SPINK5: variants seen among roughly 807,000 people sequenced by gnomAD.
The protein encoded by SPINK5 is serine protease inhibitor Kazal-type 5.
SPINK5 carries 125 observed loss-of-function variants against 151.8 expected under a neutral mutation model. The ratio of observed to expected loss-of-function variants is 0.82; its 90% CI spans 0.71 to 0.96. The LOEUF is 0.96. Ranked by LOEUF, SPINK5 falls within the 40% of genes least tolerant of loss-of-function variation. The pLI, the probability that SPINK5 is intolerant of heterozygous loss-of-function variation, is 0.00. For synonymous variants in SPINK5, 374 were observed against 395.3 expected (o/e 0.95, Z 0.64); for missense variants, 1,194 against 1,291.9 (o/e 0.92, Z 1.16).
Position 148,086,472 on chromosome 5 carries a change from C to CT in SPINK5, c.351dup (p.Val118CysfsTer10). The CT allele has an allele frequency of 6.2e-7, 1 of 1,611,996 alleles. No homozygotes were observed. Among genetic ancestry groups the CT allele is most frequent in the Non-Finnish European group, 8.5e-7 (1 of 1,178,820 alleles). On this transcript the variant is annotated frameshift_variant, in exon 5 of 33. Transcript: ENST00000256084. LOFTEE classifies it high-confidence loss of function. ...TTTATCTGTCCTGATTATTATGAAG[C>CT]TGTTTGTGGCACAGATGGGAAAACA...
chr5:148,126,307 AATG>A (rs10653454), intron 29 of SPINK5, among the ~76,000 whole-genome samples: 2,041 of 150,686 alleles, frequency 0.014, 45 homozygotes, highest in African/African-American at 0.045. Flanking sequence ...GGACATTATA[AATG>A]ATGATGATGA....
At chr5:148,106,642 A>G (rs188323538) in intron 16 of SPINK5, among the ~76,000 whole-genome samples, 4 of 152,076 alleles carry the variant, frequency 2.6e-5, no homozygotes, top group African/African-American at 7.2e-5. Context: ...GACAAAATAT[A>G]TATTTATTTC....
intron 32 of SPINK5, among the ~76,000 whole-genome samples, chr5:148,136,586 T>C (rs555783006): frequency 6.6e-6 from 1 of 152,184 alleles, no homozygotes; most frequent in Non-Finnish European, 1.5e-5. Flanking sequence ...CAACAAACTA[T>C]AGTAGAAAAA....
At chr5:148,092,398 AT>A in intron 8 of SPINK5, among the ~76,000 whole-genome samples, 1 of 152,090 alleles carries the variant, frequency 6.6e-6, no homozygotes, top group East Asian at 1.9e-4. Context: ...TGGTTGTTAA[AT>A]TTCAGTCTAA....
At chr5:148,108,565 A>AG (rs1753838642) in intron 17 of SPINK5, among the ~76,000 whole-genome samples, 188 bp from the exon 18 acceptor site, 1 of 152,130 alleles carries the variant, frequency 6.6e-6, no homozygotes, top group African/African-American at 2.4e-5. Context: ...TCTTCTTTAG[A>AG]GGGGGAATGT....
intron 32 of SPINK5, among the ~76,000 whole-genome samples, chr5:148,135,301 G>A (rs1208413097): frequency 6.6e-6 from 1 of 152,100 alleles, no homozygotes; most frequent in Admixed American, 6.5e-5. Flanking sequence ...AGGAGAGAAA[G>A]GTCAAAATAG....
At chr5:148,083,840 A>T (rs1350678982) in intron 4 of SPINK5, among the ~76,000 whole-genome samples, 1 of 151,236 alleles carries the variant, frequency 6.6e-6, no homozygotes, top group African/African-American at 2.4e-5. Context: ...TTTTTAGAAA[A>T]ATTGTTTCTT....
At chr5:148,089,750 C>T in intron 7 of SPINK5, 129 bp downstream of exon 7, 1 of 1,354,690 alleles carries the variant, frequency 7.4e-7, no homozygotes, top group Non-Finnish European at 1.0e-6. Flanking sequence ...TGTGAAATAG[C>T]CTTTCTCACA....
intron 26 of SPINK5, among the ~76,000 whole-genome samples, chr5:148,122,075 T>A: frequency 6.6e-6 from 1 of 152,096 alleles, no homozygotes. Context: ...AAATAAGGTT[T>A]ACCAATAATT....
rs191107954 is a variant in SPINK5, at chr5:148,082,161, A to G, written c.283-4244A>G. 3.3e-5 allele frequency among the ~76,000 whole-genome samples: 5 copies of G among 151,050 alleles called. No homozygotes were observed. The East Asian group carries it at 1.0e-3, about 30-fold the overall frequency. On this transcript the variant is annotated intron_variant, in intron 4 of 32. Transcript: ENST00000256084. ...ACTTGTCTCTTTGGTCAGTCCTACT[A>G]GAAATCTTTTATATCAGGTTGTTTG...
chr5:148,102,269 A>T (rs1368667887), intron 15 of SPINK5, among the ~76,000 whole-genome samples: 1 of 152,164 alleles, frequency 6.6e-6, no homozygotes, highest in African/African-American at 2.4e-5. Context: ...CAAAGGGTGC[A>T]AAGTTTTAGT....
chr5:148,132,588 G>A (rs1313113664), intron 31 of SPINK5, among the ~76,000 whole-genome samples: 1 of 152,098 alleles, frequency 6.6e-6, no homozygotes, highest in Non-Finnish European at 1.5e-5. Flanking sequence ...GGCTCAGAGA[G>A]TCCAGGTAAT....
intron 9 of SPINK5, among the ~76,000 whole-genome samples, chr5:148,095,426 C>A (rs2113094963): frequency 6.6e-6 from 1 of 151,912 alleles, no homozygotes; most frequent in East Asian, 2.0e-4. Flanking sequence ...AGTTCAGTAG[C>A]AGAAATAAGC....
intron 28 of SPINK5, 29 bp from the exon 29 acceptor site, chr5:148,125,694 A>T (rs745860700): frequency 1.2e-6 from 2 of 1,614,212 alleles, no homozygotes; most frequent in East Asian, 4.5e-5. Flanking sequence ...GGACAAAGCC[A>T]TGTTCACTTT....
intron 4 of SPINK5, among the ~76,000 whole-genome samples, chr5:148,075,394 AT>A (rs1157955587): frequency 6.6e-6 from 1 of 151,048 alleles, no homozygotes; most frequent in Non-Finnish European, 1.5e-5. Flanking sequence ...AACTATTATT[AT>A]TTTCTTAGAG....
chr5:148,112,413 GCC>G (rs773924411), intron 19 of SPINK5, among the ~76,000 whole-genome samples: 8 of 152,154 alleles, frequency 5.3e-5, no homozygotes, highest in Non-Finnish European at 1.2e-4. Flanking sequence ...GGTGGCTCAT[GCC>G]TGTAATTCTA....
chr5:148,105,504 A>G (rs1332355700), intron 16 of SPINK5, among the ~76,000 whole-genome samples: 1 of 152,170 alleles, frequency 6.6e-6, no homozygotes. Context: ...AGTTATTTTT[A>G]TTCCACTCTC....
At chr5:148,101,501 G>A in intron 14 of SPINK5, 65 bp downstream of exon 14, 2 of 1,290,194 alleles carry the variant, frequency 1.6e-6, no homozygotes, top group Non-Finnish European at 2.3e-6. Context: ...TCATGTTCAG[G>A]GAACACGTGC....
chr5:148,088,762 A>G (rs1254567173), intron 6 of SPINK5, among the ~76,000 whole-genome samples, 157 bp downstream of exon 6: 1 of 151,740 alleles, frequency 6.6e-6, no homozygotes, highest in Non-Finnish European at 1.5e-5. Context: ...AATATGAAAA[A>G]GCTAATTATA....
Sources: allele counts gnomAD v4.1 joint callset (sites outside exome capture counted in the v4.1 genomes callset), GRCh38; gene constraint gnomAD v4.1.1; transcripts MANE v1.5; gene names NCBI Gene and HGNC (gene_info 2026-07-23, HGNC 2026-07-21).